CCDC170: variants seen among roughly 807,000 people sequenced by gnomAD.
The protein encoded by CCDC170 is coiled-coil domain containing 170, also known as coiled-coil domain-containing protein 170.
A neutral mutation model predicts 72.6 loss-of-function variants in CCDC170; 69 were observed. That is an observed-to-expected ratio of 0.95 (90% CI 0.78 to 1.16). The LOEUF (loss-of-function observed/expected upper bound fraction) is 1.16. CCDC170 is among the 50% of genes most tolerant of loss of function. CCDC170 has a pLI of 0.00. For missense variants in CCDC170, 852 were observed against 832.5 expected, an observed-to-expected ratio of 1.02 and a Z score of -0.29; for synonymous variants, 300 against 303.9, an observed-to-expected ratio of 0.99 and a Z score of 0.13.
At chr6:151,496,055 T>G (rs982454152) in intron 1 of CCDC170, among the ~76,000 whole-genome samples, 2 of 152,196 alleles carry the variant, frequency 1.3e-5, no homozygotes, top group South Asian at 2.1e-4. Flanking sequence ...TTCACATTTT[T>G]TTTGTTTGTT....
At chr6:151,548,055 G>C (rs1782805074) in intron 4 of CCDC170, among the ~76,000 whole-genome samples, 1 of 152,176 alleles carries the variant, frequency 6.6e-6, no homozygotes, top group Non-Finnish European at 1.5e-5. Context: ...TTGCTGATGT[G>C]TGTTCCGTCG....
At chr6:151,564,160 A>G (rs76344275) in intron 5 of CCDC170, among the ~76,000 whole-genome samples, 2,821 of 152,084 alleles carry the variant, frequency 0.019, 100 homozygotes, top group African/African-American at 0.064. Context: ...ATTTGCTTTT[A>G]TAGGGGAGGA....
chr6:151,558,340 C>T (rs764802856), intron 5 of CCDC170, among the ~76,000 whole-genome samples: 1 of 147,022 alleles, frequency 6.8e-6, no homozygotes, highest in Non-Finnish European at 1.5e-5. Flanking sequence ...TTCTCCCATT[C>T]AGCAGGTTGT....
In CCDC170 at chr6:151,598,645, C is replaced by T. The variant is rs1005469986; in HGVS notation, c.1710+2068C>T. Among the ~76,000 whole-genome samples, 16 of 152,146 alleles carry T rather than the reference C, an allele frequency of 1.1e-4. 1 individual carries two copies. Among genetic ancestry groups the T allele is most frequent in the Admixed American group, 1.0e-3 (16 of 15,280 alleles). Reference sequence around the variant, plus strand: ...AGCATGAGGGCCAGAATCACTTTTTCTAAAATCACAAGGACTTTCCTCCAC... The same window carrying T: ...AGCATGAGGGCCAGAATCACTTTTTTTAAAATCACAAGGACTTTCCTCCAC... On this transcript the variant is annotated intron_variant, in intron 9 of 10. Transcript: ENST00000239374.
chr6:151,536,562 G>C, intron 2 of CCDC170, 116 bp downstream of exon 2: 2 of 1,182,528 alleles, frequency 1.7e-6, no homozygotes, highest in Non-Finnish European at 2.4e-6. Flanking sequence ...AGATCACGAG[G>C]TCAAGAGATC....
In CCDC170 at chr6:151,548,162, G is replaced by A. The variant is rs532386435; in HGVS notation, c.589-142G>A. On this transcript the variant is annotated intron_variant, in intron 4 of 10. Coordinates refer to ENST00000239374, the MANE Select transcript of CCDC170 (RefSeq NM_025059.4). Reference sequence around the variant, plus strand: ...AAAACAGAGTTTACAGGCTGCCTTTGAAAATGTGACCTTTCCAGTCCATGT... The same window carrying A: ...AAAACAGAGTTTACAGGCTGCCTTTAAAAATGTGACCTTTCCAGTCCATGT... 192 of 673,792 alleles carry A rather than the reference G, an allele frequency of 2.8e-4. 1 individual carries two copies. In the African/African-American group the frequency reaches 3.4e-3, roughly 12 times the overall value. 41.7% of individuals were successfully genotyped at this position (673,792 alleles called of 1,614,324 possible).
chr6:151,585,831 T>C (rs990041706), intron 6 of CCDC170, 58 bp from the exon 7 acceptor site: 99 of 1,528,674 alleles, frequency 6.5e-5, no homozygotes, highest in Middle Eastern at 6.3e-4. Flanking sequence ...GCAGTAGATG[T>C]GAACACTTCC....
Position 151,593,144 on chromosome 6 carries a change from A to G in CCDC170, c.1331A>G (p.Lys444Arg). The change falls in exon 8 of 11, where the codon AAG becomes AGG. Residue 444 changes from lysine to arginine, a missense_variant. Lys to Arg is a conservative substitution (Grantham distance 26, BLOSUM62 2). Transcript: ENST00000239374. ...CTGGATCAGCTTTCTCAGAAAATGA[A>G]GTTGGACCAGATGGCTGCCGAACTT... ...KFLDQLSQKM[K>R]LDQMAAELGF... is the part of the protein sequence containing the mutation. 3.7e-6 allele frequency: 6 copies of G among 1,614,208 alleles called. No homozygotes were observed. The highest frequency in any genetic ancestry group is 1.1e-5 in the South Asian group (1 of 91,084).
At chr6:151,533,027 G>C (rs1782513018) in intron 1 of CCDC170, among the ~76,000 whole-genome samples, 1 of 150,248 alleles carries the variant, frequency 6.7e-6, no homozygotes, top group Admixed American at 6.6e-5. Context: ...GGCAGCTCCT[G>C]CTTCAATACC....
intron 1 of CCDC170, 24 bp downstream of exon 1, chr6:151,494,209 G>T: frequency 6.7e-7 from 1 of 1,494,604 alleles, no homozygotes; most frequent in Non-Finnish European, 8.9e-7. Context: ...CGCCGGCCGC[G>T]CGCGGGGGTG....
chr6:151,506,959 C>T (rs933476848), intron 1 of CCDC170, among the ~76,000 whole-genome samples: 4 of 152,202 alleles, frequency 2.6e-5, no homozygotes, highest in African/African-American at 9.6e-5. Context: ...TCCGACTTGC[C>T]AGTCACCACA....
intron 1 of CCDC170, among the ~76,000 whole-genome samples, chr6:151,515,445 G>A (rs78959534): frequency 0.066 from 10,062 of 152,214 alleles, 526 homozygotes; most frequent in East Asian, 0.21. Context: ...ACCACACCTG[G>A]CTAATTTTTG....
In CCDC170 at chr6:151,509,207, C is replaced by CATCT. The variant is rs530675671; in HGVS notation, c.57+15033_57+15036dup. Among the ~76,000 whole-genome samples, 372 of 141,808 alleles carry CATCT rather than the reference C, an allele frequency of 2.6e-3. 2 individuals are homozygous for CATCT. Among genetic ancestry groups the CATCT allele is most frequent in the East Asian group, 0.018 (83 of 4,714 alleles). 93.0% of individuals were successfully genotyped at this position (141,808 alleles called of 152,430 possible). ...CTCCCCCCTTTCGCTCTCTCTGTCT[C>CATCT]ATCTATCTATCTATGTATCTATCTA... On this transcript the variant is annotated intron_variant, in intron 1 of 10. Transcript: ENST00000239374.
intron 1 of CCDC170, among the ~76,000 whole-genome samples, chr6:151,510,746 CT>C (rs140157286): frequency 5.4e-5 from 8 of 148,080 alleles, no homozygotes; most frequent in African/African-American, 1.2e-4. Flanking sequence ...TTTTCTTCTT[CT>C]TTTTTTTTTA....
chr6:151,592,920 T>TA (rs1776564057), intron 7 of CCDC170, 187 bp from the exon 8 acceptor site: 1 of 613,480 alleles, frequency 1.6e-6, no homozygotes, highest in Non-Finnish European at 2.9e-6. Flanking sequence ...AGACAAGGGG[T>TA]AGGCAGGGAA....
chr6:151,566,630 A>T (rs1776140921), intron 5 of CCDC170, among the ~76,000 whole-genome samples: 1 of 152,210 alleles, frequency 6.6e-6, no homozygotes. Context: ...TAAACATGAG[A>T]GAAAGAATAG....
intron 6 of CCDC170, among the ~76,000 whole-genome samples, chr6:151,580,643 G>A (rs1776367101): frequency 6.6e-6 from 1 of 152,088 alleles, no homozygotes; most frequent in Non-Finnish European, 1.5e-5. Context: ...ATGTGGCTCT[G>A]AATAGCTTAC....
chr6:151,508,298 G>C (rs530856201), intron 1 of CCDC170, among the ~76,000 whole-genome samples: 1 of 152,308 alleles, frequency 6.6e-6, no homozygotes, highest in South Asian at 2.1e-4. Context: ...AGCACTTTGG[G>C]AGGCCAAGGC....
At chr6:151,494,317 G>A in intron 1 of CCDC170, 132 bp downstream of exon 1, 2 of 979,792 alleles carry the variant, frequency 2.0e-6, no homozygotes, top group Non-Finnish European at 2.8e-6. Context: ...CTCTGTGCCC[G>A]CGAGGGCTGT....
Sources: gnomAD v4.1 joint callset for allele counts (sites outside exome capture counted in the v4.1 genomes callset) on GRCh38, gnomAD v4.1.1 for gene constraint, MANE v1.5 for transcripts, NCBI Gene and HGNC (gene_info 2026-07-23, HGNC 2026-07-21) for gene names.